Variants in DNAJC6 observed in about 807,000 individuals in gnomAD.
DNAJC6 encodes DnaJ heat shock protein family (Hsp40) member C6.
In DNAJC6, 34 loss-of-function variants were observed where a neutral mutation model predicts 110.0. The observed-to-expected ratio is 0.31, with a 90% CI of 0.24 to 0.41. The LOEUF is 0.41. Among genes scored for constraint, DNAJC6 ranks in the 10% least tolerant of loss-of-function variants. The probability of loss-of-function intolerance (pLI) is 1.00; values close to 1 mark genes in which losing one functional copy is unlikely to be tolerated. For synonymous variants in DNAJC6, 406 were observed against 437.2 expected (o/e 0.93, Z 0.89); for missense variants, 1,031 against 1,207.8 (o/e 0.85, Z 2.17).
chr1:65,394,087 C>T (rs553544066), intron 12 of DNAJC6, among the ~76,000 whole-genome samples: 2 of 141,214 alleles, frequency 1.4e-5, no homozygotes, highest in South Asian at 4.3e-4. Flanking sequence ...AAACAGTTTC[C>T]AAGATCCAAG....
intron 10 of DNAJC6, 30 bp downstream of exon 10, chr1:65,389,479 A>C (rs766206503): frequency 6.2e-7 from 1 of 1,613,576 alleles, no homozygotes. Context: ...TTTGTTTTTC[A>C]GGATGAAGCC....
chr1:65,385,686 A>G (rs1275448043), intron 6 of DNAJC6, 26 bp from the exon 7 acceptor site: 1 of 1,539,562 alleles, frequency 6.5e-7, no homozygotes, highest in African/African-American at 1.4e-5. Context: ...GATGGGCCCC[A>G]AGAGAGTGCC....
chr1:65,353,353 A>T (rs1393013914), intron 1 of DNAJC6, among the ~76,000 whole-genome samples: 1 of 152,180 alleles, frequency 6.6e-6, no homozygotes, highest in Admixed American at 6.5e-5. Flanking sequence ...TTGAAGAGTA[A>T]AGATTCCTTA....
At chr1:65,387,989 G>C (rs1395068432) in intron 8 of DNAJC6, among the ~76,000 whole-genome samples, 1 of 152,160 alleles carries the variant, frequency 6.6e-6, no homozygotes, top group African/African-American at 2.4e-5. Context: ...GCCTAGAAAG[G>C]CTACAGAGAG....
At chr1:65,369,567 G>A (rs1645686197) in intron 4 of DNAJC6, among the ~76,000 whole-genome samples, 1 of 152,062 alleles carries the variant, frequency 6.6e-6, no homozygotes, top group Non-Finnish European at 1.5e-5. Context: ...GATTCATAAG[G>A]GTGTATAAGG....
chr1:65,384,152 T>G, intron 5 of DNAJC6, 41 bp from the exon 6 acceptor site: 2 of 1,384,302 alleles, frequency 1.4e-6, no homozygotes, highest in African/African-American at 1.5e-5. Context: ...AATGGCTGAT[T>G]TGATCATGTT....
At chr1:65,286,518 A>G (rs1013658537) in intron 1 of DNAJC6, among the ~76,000 whole-genome samples, 3 of 152,100 alleles carry the variant, frequency 2.0e-5, no homozygotes, top group Admixed American at 6.6e-5. Flanking sequence ...AAGTGTTGGA[A>G]CTACAGGTAT....
intron 5 of DNAJC6, 64 bp downstream of exon 5, chr1:65,379,588 A>T: frequency 3.2e-6 from 5 of 1,562,612 alleles, no homozygotes; most frequent in Non-Finnish European, 4.3e-6. Context: ...GAGCCTGTAC[A>T]CAATGGTAGA....
At chr1:65,277,463 A>T (rs1653708849) in intron 1 of DNAJC6, among the ~76,000 whole-genome samples, 1 of 152,234 alleles carries the variant, frequency 6.6e-6, no homozygotes, top group South Asian at 2.1e-4. Flanking sequence ...ATTCAACATG[A>T]TCCTAAAATG....
Position 65,397,531 on chromosome 1 carries a change from G to A in DNAJC6, c.2039-1282G>A, listed in dbSNP as rs564415755. ...ACAGACCTTAAGTTTCTTGAGGATA[G>A]ATAATGCATCTTTCAGTCTCTGTCC... is the stretch of plus-strand genomic sequence containing the variant. On this transcript the variant is annotated intron_variant, in intron 13 of 18. Transcript: ENST00000371069. Among the ~76,000 whole-genome samples, 3 of 150,948 alleles carry A rather than the reference G, an allele frequency of 2.0e-5. No homozygotes were observed. The East Asian group carries it at 5.9e-4, about 30-fold the overall frequency.
At chr1:65,327,177 C>T (rs978279006) in intron 1 of DNAJC6, among the ~76,000 whole-genome samples, 6 of 152,064 alleles carry the variant, frequency 3.9e-5, no homozygotes, top group African/African-American at 1.4e-4. Context: ...GAGGACATTC[C>T]AAACTAGAAG....
chr1:65,322,397 C>T (rs1645205320), intron 1 of DNAJC6, among the ~76,000 whole-genome samples: 1 of 152,046 alleles, frequency 6.6e-6, no homozygotes, highest in South Asian at 2.1e-4. Flanking sequence ...ATATAATGTA[C>T]ACTTGAATTC....
At chr1:65,338,228 A>G (rs922666547) in intron 1 of DNAJC6, among the ~76,000 whole-genome samples, 1 of 152,324 alleles carries the variant, frequency 6.6e-6, no homozygotes, top group Middle Eastern at 3.4e-3. Flanking sequence ...TCTTTCTCCC[A>G]TGCCAAAATT....
At position 65,364,614 on chromosome 1, in the gene DNAJC6, GTT is replaced by G. The variant is rs58549467; in HGVS notation, c.194-7_194-6del. On this transcript the variant is annotated intron_variant, in intron 1 of 18. Coordinates refer to ENST00000371069, the MANE Select transcript of DNAJC6 (RefSeq NM_001256864.2). Reference sequence around the variant, plus strand: ...CTGCCATCACCATTTTTGTTTGTTTGTTTTTTTTTTTTTTTGGCAGGTGCCTC... The same window carrying G: ...CTGCCATCACCATTTTTGTTTGTTTGTTTTTTTTTTTTTGGCAGGTGCCTC... 9.5e-4 allele frequency: 1,348 copies of G among 1,422,368 alleles called. 2 individuals are homozygous for G. Among genetic ancestry groups the G allele is most frequent in the East Asian group, 7.6e-3 (298 of 39,320 alleles). 88.1% of individuals were successfully genotyped at this position (1,422,368 alleles called of 1,614,324 possible).
At chr1:65,305,497 T>G (rs908966958), upstream of DNAJC6, among the ~76,000 whole-genome samples, 3 of 152,228 alleles carry the variant, frequency 2.0e-5, no homozygotes, top group African/African-American at 7.2e-5. Flanking sequence ...ACTTTATAAT[T>G]TACTCATCGG....
At chr1:65,284,609 C>A (rs1296670832) in intron 1 of DNAJC6, among the ~76,000 whole-genome samples, 3 of 152,116 alleles carry the variant, frequency 2.0e-5, no homozygotes, top group African/African-American at 7.2e-5. Context: ...ACCCTCTGGG[C>A]CCCTCTTCTT....
chr1:65,297,908 C>G (rs1025417567), intron 1 of DNAJC6, among the ~76,000 whole-genome samples: 3 of 152,116 alleles, frequency 2.0e-5, no homozygotes, highest in Non-Finnish European at 4.4e-5. Context: ...TCTGGCACAA[C>G]CAGTTCTGCA....
chr1:65,329,867 A>G (rs1366020110), intron 1 of DNAJC6, among the ~76,000 whole-genome samples: 4 of 152,152 alleles, frequency 2.6e-5, no homozygotes, highest in African/African-American at 9.7e-5. Context: ...ATTGATGTTC[A>G]GTGGAAATCT....
At chr1:65,380,622 A>G (rs1036410722) in intron 5 of DNAJC6, among the ~76,000 whole-genome samples, 4 of 152,120 alleles carry the variant, frequency 2.6e-5, no homozygotes, top group Non-Finnish European at 5.9e-5. Context: ...GACCTTGGTG[A>G]TTTTCTCTTT....
Sources: allele counts gnomAD v4.1 joint callset (sites outside exome capture counted in the v4.1 genomes callset), GRCh38; gene constraint gnomAD v4.1.1; transcripts MANE v1.5; gene names NCBI Gene and HGNC (gene_info 2026-07-23, HGNC 2026-07-21).